SPART: variants seen among roughly 807,000 people sequenced by gnomAD.
SPART encodes spartin.
In SPART, 35 loss-of-function variants were observed where a neutral mutation model predicts 58.7. That is an observed-to-expected ratio of 0.60 (90% CI 0.46 to 0.79). The LOEUF is 0.79. Among genes scored for constraint, SPART ranks in the 30% least tolerant of loss-of-function variants. The pLI, the probability that SPART is intolerant of heterozygous loss-of-function variation, is 0.00. For synonymous variants in SPART, 284 were observed against 280.7 expected, an observed-to-expected ratio of 1.01 and a Z score of -0.12; for missense variants, 730 against 786.1, an observed-to-expected ratio of 0.93 and a Z score of 0.85.
chr13:36,320,907 T>G (rs1407741832), intron 5 of SPART, among the ~76,000 whole-genome samples: 1 of 152,202 alleles, frequency 6.6e-6, no homozygotes, highest in Admixed American at 6.5e-5. Flanking sequence ...TAGTATTCAG[T>G]GAAACCTTTA....
chr13:36,312,254 A>C lies in SPART; in HGVS notation c.1643-19T>G, dbSNP rs1448638970. 3 of 1,613,860 alleles carry C rather than the reference A, an allele frequency of 1.9e-6. No individual in the cohort carries two copies. In the Admixed American group the frequency reaches 5.0e-5, roughly 27 times the overall value. The stretch of plus-strand genomic sequence containing the variant: ...GAAAATCCTGTAAAAATAATATTTA[A>C]AACGATGTAAATCTAGTCCAAAGCA... On this transcript the variant is annotated intron_variant, in intron 7 of 8. Coordinates refer to ENST00000438666, the MANE Select transcript of SPART (RefSeq NM_015087.5).
chr13:36,329,485 T>C lies in SPART; in HGVS notation c.1041A>G (p.Glu347=), dbSNP rs1883263300. The change falls in exon 4 of 9, where the codon GAA becomes GAG. Residue 347 remains glutamate (E), a synonymous_variant. Transcript: ENST00000438666. Reference sequence around the variant, plus strand: ...GTCTAGTTCTTCCAGGGATTTGGAATTCATTTTCTTCTTCTGCTCTGTTCC... The same window carrying C: ...GTCTAGTTCTTCCAGGGATTTGGAACTCATTTTCTTCTTCTGCTCTGTTCC... ...ANWNRAEEEN[E]FQIPGRTRPS... 1.2e-6 allele frequency: 2 copies of C among 1,614,058 alleles called. No individual in the cohort carries two copies. Among genetic ancestry groups the C allele is most frequent in the Non-Finnish European group, 8.5e-7 (1 of 1,180,030 alleles).
At chr13:36,314,999 G>A (rs754039379) in intron 5 of SPART, among the ~76,000 whole-genome samples, 1 of 152,172 alleles carries the variant, frequency 6.6e-6, no homozygotes, top group Admixed American at 6.5e-5. Context: ...TCTCAGCACC[G>A]TTTAGCTTGC....
intron 1 of SPART, among the ~76,000 whole-genome samples, chr13:36,337,543 C>A (rs929547432): frequency 6.6e-6 from 1 of 152,180 alleles, no homozygotes; most frequent in African/African-American, 2.4e-5. Context: ...TCTTTCCTGC[C>A]ATCATGTGAA....
chr13:36,349,855 A>G (rs917476660), upstream of SPART, among the ~76,000 whole-genome samples: 1 of 152,218 alleles, frequency 6.6e-6, no homozygotes, highest in African/African-American at 2.4e-5. Flanking sequence ...AAGCACCTGA[A>G]TAATAGAATG....
At chr13:36,322,023 T>C (rs1296581406) in intron 5 of SPART, among the ~76,000 whole-genome samples, 1 of 151,760 alleles carries the variant, frequency 6.6e-6, no homozygotes, top group South Asian at 2.1e-4. Context: ...ACAAACCCCC[T>C]TGGACTGTAA....
At position 36,329,414 on chromosome 13, in the gene SPART, T is replaced by C. The variant is rs145026626; in HGVS notation, c.1112A>G (p.Gln371Arg). ...TACATCCTTATTGCCTTGGTCCAACTGTTTCACATCAGTGCCAGAGGCTTC... is the reference window on the plus strand; with the variant it reads ...TACATCCTTATTGCCTTGGTCCAACCGTTTCACATCAGTGCCAGAGGCTTC... Reference protein sequence around the residue: ...LKEASGTDVKQLDQGNKDVRH... With the variant: ...LKEASGTDVKRLDQGNKDVRH... Residue 371 changes from glutamine to arginine, a missense_variant, in exon 4 of 9, where the codon CAG becomes CGG. By Grantham distance (43) the Gln-to-Arg change is conservative (BLOSUM62 1). Transcript: ENST00000438666. 6 of 1,614,072 alleles carry C rather than the reference T, an allele frequency of 3.7e-6. No homozygotes were observed. In the African/African-American group the frequency reaches 6.7e-5, roughly 18 times the overall value.
chr13:36,329,453 G>A lies in SPART; in HGVS notation c.1073C>T (p.Ser358Phe). The change falls in exon 4 of 9, where the codon TCT becomes TTT. Residue 358 changes from serine to phenylalanine, a missense_variant. Coordinates refer to ENST00000438666, the MANE Select transcript of SPART (RefSeq NM_015087.5). ...FQIPGRTRPSSDQLKEASGTD... is the reference protein window; with the variant it reads ...FQIPGRTRPSFDQLKEASGTD... The stretch of plus-strand genomic sequence containing the variant: ...GCCAGAGGCTTCTTTTAGTTGGTCA[G>A]AGGAGGGTCTAGTTCTTCCAGGGAT... 1 of 1,614,106 alleles carries A rather than the reference G, an allele frequency of 6.2e-7. No homozygotes were observed. The highest frequency in any genetic ancestry group is 8.5e-7 in the Non-Finnish European group (1 of 1,179,992).
At chr13:36,334,439 AAT>A (rs1883754373) in intron 2 of SPART, among the ~76,000 whole-genome samples, 1 of 140,654 alleles carries the variant, frequency 7.1e-6, no homozygotes, top group Non-Finnish European at 1.6e-5. Context: ...TGGGCAGGAT[AAT>A]TTTTTTTTGT....
chr13:36,358,113 A>G (rs1885690755), intron 1 of SPART, among the ~76,000 whole-genome samples: 1 of 152,082 alleles, frequency 6.6e-6, no homozygotes, highest in South Asian at 2.1e-4. Context: ...CAAAGTCACT[A>G]TTCATAGAAA....
intron 1 of SPART, among the ~76,000 whole-genome samples, chr13:36,342,033 C>A (rs1884631757): frequency 6.6e-6 from 1 of 152,224 alleles, no homozygotes; most frequent in South Asian, 2.1e-4. Flanking sequence ...AAATAGGCAT[C>A]TGTGAGTTGA....
chr13:36,351,125 G>A (rs925295076), upstream of SPART, among the ~76,000 whole-genome samples: 1 of 152,002 alleles, frequency 6.6e-6, no homozygotes, highest in Admixed American at 6.6e-5. Flanking sequence ...TGTGATAATA[G>A]AATCTGCCTC....
In SPART at chr13:36,335,042, G is replaced by T; in HGVS notation, c.789C>A (p.Asn263Lys). 1 of 1,613,998 alleles carries T rather than the reference G, an allele frequency of 6.2e-7. No individual in the cohort carries two copies. Among genetic ancestry groups the T allele is most frequent in the Non-Finnish European group, 8.5e-7 (1 of 1,179,966 alleles). ...FLDNSLDTVL[N>K]RPPGFLQVCD... ...TTACCTGAAGAAACCCGGGAGGACG[G>T]TTTAGAACCGTATCGAGAGAATTAT... Residue 263 changes from asparagine to lysine, a missense_variant, in exon 2 of 9, where the codon AAC becomes AAA. Physicochemically the swap from Asn to Lys is moderately conservative, Grantham distance 94 (BLOSUM62 0). Transcript: ENST00000438666.
intron 8 of SPART, among the ~76,000 whole-genome samples, chr13:36,307,992 C>A (rs1288181828): frequency 1.3e-5 from 2 of 152,036 alleles, no homozygotes; most frequent in South Asian, 2.1e-4. Flanking sequence ...TTATCACAGG[C>A]AATTAAGAAC....
At chr13:36,367,293 CCCCCACATAT>C (rs1886096760) in intron 1 of SPART, among the ~76,000 whole-genome samples, 1 of 152,132 alleles carries the variant, frequency 6.6e-6, no homozygotes, top group Admixed American at 6.5e-5. Context: ...AACATGGCTG[CCCCCACATAT>C]CCCCACATGT....
chr13:36,363,364 T>G (rs1176812678), intron 1 of SPART, among the ~76,000 whole-genome samples: 4 of 152,110 alleles, frequency 2.6e-5, no homozygotes, highest in Non-Finnish European at 5.9e-5. Flanking sequence ...TCTCTCTCTC[T>G]CTCTCTCTGT....
At chr13:36,326,354 C>T in intron 5 of SPART, 7 of 538,968 alleles carry the variant, frequency 1.3e-5, no homozygotes, top group South Asian at 6.5e-5. Context: ...ATCCATTTTC[C>T]CAATAGTAGA....
Position 36,363,296 on chromosome 13 carries a change from A to G in SPART, c.-3+6793T>C, listed in dbSNP as rs115668625. On this transcript the variant is annotated intron_variant, in intron 1 of 8. Transcript: ENST00000355182. ...TTTTCTAGGAGAGTATGGGAATTAA[A>G]TGGAATTCTCTTTCCTAGTGTTTGG... Among the ~76,000 whole-genome samples, 1,307 of 152,300 alleles carry G rather than the reference A, an allele frequency of 8.6e-3. 25 individuals are homozygous for G. Among genetic ancestry groups the G allele is most frequent in the African/African-American group, 0.03 (1,246 of 41,556 alleles).
chr13:36,365,717 T>C, intron 1 of SPART: 1 of 392,032 alleles, frequency 2.6e-6, no homozygotes, highest in Non-Finnish European at 5.1e-6. Flanking sequence ...CATATCTTTT[T>C]TTATCTCCAT....
Sources: gnomAD v4.1 joint callset for allele counts (sites outside exome capture counted in the v4.1 genomes callset) on GRCh38, gnomAD v4.1.1 for gene constraint, MANE v1.5 for transcripts, NCBI Gene and HGNC (gene_info 2026-07-23, HGNC 2026-07-21) for gene names.